Variants in CANX observed in about 807,000 individuals in gnomAD.
CANX encodes epididymis secretory sperm binding protein.
Under a neutral mutation model 75.7 loss-of-function variants are expected in CANX, and 14 were observed. That is an observed-to-expected ratio of 0.19 (90% CI 0.12 to 0.29). The LOEUF (loss-of-function observed/expected upper bound fraction) is 0.29, where lower values mean the gene tolerates loss of function less well. Ranked by LOEUF, CANX falls within the 10% of genes least tolerant of loss-of-function variation. The probability of loss-of-function intolerance (pLI) is 1.00; values close to 1 mark genes in which losing one functional copy is unlikely to be tolerated. For synonymous variants in CANX, 227 were observed against 236.9 expected, an observed-to-expected ratio of 0.96 and a Z score of 0.38; for missense variants, 567 against 713.2, an observed-to-expected ratio of 0.79 and a Z score of 2.34.
upstream of CANX, among the ~76,000 whole-genome samples, chr5:179,696,284 T>C (rs1776402792): frequency 7.5e-6 from 1 of 134,050 alleles, no homozygotes; most frequent in Non-Finnish European, 1.6e-5. Flanking sequence ...TTTTTTTTTT[T>C]TTTTTTTTGG....
At chr5:179,709,762 G>T in intron 6 of CANX, 111 bp from the exon 7 acceptor site, 1 of 655,582 alleles carries the variant, frequency 1.5e-6, no homozygotes, top group Non-Finnish European at 2.6e-6. Flanking sequence ...TCCTTTAACT[G>T]TCACTAATAT....
chr5:179,682,924 T>C (rs879333284), intron 1 of CANX, among the ~76,000 whole-genome samples: 6 of 152,042 alleles, frequency 3.9e-5, no homozygotes, highest in Non-Finnish European at 7.4e-5. Flanking sequence ...TGGCTGGGCA[T>C]GTTTGAAGGA....
At chr5:179,689,995 T>C (rs1056051014) in intron 1 of CANX, among the ~76,000 whole-genome samples, 1 of 152,114 alleles carries the variant, frequency 6.6e-6, no homozygotes, top group Non-Finnish European at 1.5e-5. Context: ...AGGTCTGAAT[T>C]GAAGGACATA....
upstream of CANX, among the ~76,000 whole-genome samples, chr5:179,695,192 G>T (rs1776372090): frequency 6.6e-6 from 1 of 151,932 alleles, no homozygotes; most frequent in African/African-American, 2.4e-5. Flanking sequence ...TGGGACTACA[G>T]GCACCCGCCC....
At chr5:179,707,237 C>T (rs1479700674) in intron 4 of CANX, 47 bp downstream of exon 4, 2 of 999,888 alleles carry the variant, frequency 2.0e-6, no homozygotes, top group East Asian at 2.4e-5. Context: ...AGAGGTTTGA[C>T]ATGTTGTCTC....
intron 8 of CANX, among the ~76,000 whole-genome samples, 176 bp downstream of exon 8, chr5:179,716,470 C>G (rs1346309424): frequency 6.6e-6 from 1 of 152,146 alleles, no homozygotes; most frequent in Non-Finnish European, 1.5e-5. Context: ...GTGTAATCAT[C>G]TGGATTGACT....
intron 14 of CANX, among the ~76,000 whole-genome samples, chr5:179,728,324 G>A (rs1778793489): frequency 6.6e-6 from 1 of 152,152 alleles, no homozygotes; most frequent in Non-Finnish European, 1.5e-5. Context: ...AAATCACAGT[G>A]TCTGATCCTT....
intron 7 of CANX, among the ~76,000 whole-genome samples, chr5:179,712,075 G>T (rs1415047744): frequency 1.3e-5 from 2 of 148,336 alleles, no homozygotes; most frequent in Admixed American, 6.8e-5. Context: ...TCCAGCCTGG[G>T]CAACACAGTG....
chr5:179,685,546 CTTTTT>C (rs1231654880), intron 1 of CANX, among the ~76,000 whole-genome samples: 1 of 61,440 alleles, frequency 1.6e-5, no homozygotes, highest in African/African-American at 7.5e-5. Flanking sequence ...CCGCGCCCAG[CTTTTT>C]TTTTTTTTTT....
upstream of CANX, among the ~76,000 whole-genome samples, chr5:179,695,372 C>T (rs1776377423): frequency 1.3e-5 from 2 of 151,634 alleles, no homozygotes; most frequent in African/African-American, 4.9e-5. Context: ...TCTTGTTGCC[C>T]AGGCTGGAGT....
chr5:179,719,558 A>T, intron 8 of CANX, 110 bp from the exon 9 acceptor site: 1 of 527,078 alleles, frequency 1.9e-6, no homozygotes, highest in South Asian at 3.4e-5. Flanking sequence ...GAATTATTTT[A>T]AATTTTGAGA....
At chr5:179,691,199 A>G (rs1776293644) in intron 1 of CANX, among the ~76,000 whole-genome samples, 1 of 151,526 alleles carries the variant, frequency 6.6e-6, no homozygotes, top group Non-Finnish European at 1.5e-5. Flanking sequence ...TAATTTTTGT[A>G]TTTTTGGTAG....
chr5:179,720,371 C>G (rs199507821), intron 9 of CANX, 33 bp from the exon 10 acceptor site: 161 of 1,597,750 alleles, frequency 1.0e-4, no homozygotes, highest in Non-Finnish European at 1.3e-4. Flanking sequence ...CATCACAGAA[C>G]CTGTTTATAA....
At chr5:179,706,210 A>G in intron 2 of CANX, 48 bp from the exon 3 acceptor site, 1 of 1,026,708 alleles carries the variant, frequency 9.7e-7, no homozygotes, top group Non-Finnish European at 1.5e-6. Flanking sequence ...ATAAAAAGGC[A>G]TGTTGCTGAA....
At chr5:179,709,846 TC>T (rs756183761) in intron 6 of CANX, 26 bp from the exon 7 acceptor site, 2 of 1,498,218 alleles carry the variant, frequency 1.3e-6, no homozygotes, top group East Asian at 4.7e-5. Flanking sequence ...TACAGTGACT[TC>T]AAATAATCCT....
intron 1 of CANX, among the ~76,000 whole-genome samples, chr5:179,686,750 G>A (rs1776197576): frequency 6.6e-6 from 1 of 152,178 alleles, no homozygotes; most frequent in African/African-American, 2.4e-5. Flanking sequence ...ACAGGCGTGA[G>A]CTACCATGCC....
At chr5:179,693,779 GCTGCAGTGAGC>G (rs1190277149), upstream of CANX, among the ~76,000 whole-genome samples, 1 of 152,002 alleles carries the variant, frequency 6.6e-6, no homozygotes, top group East Asian at 1.9e-4. Flanking sequence ...GAAGTTTGAG[GCTGCAGTGAGC>G]CATGATTGTG....
chr5:179,697,006 G>A (rs760587794), upstream of CANX, among the ~76,000 whole-genome samples: 26 of 152,156 alleles, frequency 1.7e-4, no homozygotes, highest in Non-Finnish European at 3.5e-4. Context: ...TGTTACTATT[G>A]TAATTGCTTT....
chr5:179,699,201 G>A (rs1776557709), intron 1 of CANX, 99 bp downstream of exon 1: 6 of 744,140 alleles, frequency 8.1e-6, no homozygotes, highest in Non-Finnish European at 6.6e-6. Context: ...CGGCGACTGA[G>A]GGGTCGGGCT....
Sources: allele counts gnomAD v4.1 joint callset (sites outside exome capture counted in the v4.1 genomes callset), GRCh38; gene constraint gnomAD v4.1.1; transcripts MANE v1.5; gene names NCBI Gene and HGNC (gene_info 2026-07-23, HGNC 2026-07-21).